RIMS1: variants seen among roughly 807,000 people sequenced by gnomAD.
RIMS1 encodes regulating synaptic membrane exocytosis 1.
Under a neutral mutation model 214.1 loss-of-function variants are expected in RIMS1, and 83 were observed. The ratio of observed to expected loss-of-function variants is 0.39; its 90% CI spans 0.32 to 0.47. The LOEUF is 0.47. Ranked by LOEUF, RIMS1 falls within the 20% of genes least tolerant of loss-of-function variation. The probability of loss-of-function intolerance (pLI) is 0.99; values close to 1 mark genes in which losing one functional copy is unlikely to be tolerated. For synonymous variants in RIMS1, 793 were observed against 786.8 expected (o/e 1.01, Z -0.13); for missense variants, 2,050 against 2,161.8 (o/e 0.95, Z 1.03).
chr6:72,365,031 T>C (rs1162270249), intron 29 of RIMS1, among the ~76,000 whole-genome samples: 1 of 152,216 alleles, frequency 6.6e-6, no homozygotes, highest in Non-Finnish European at 1.5e-5. Context: ...AGGATACCAA[T>C]AGCATCTGCT....
chr6:72,402,499 G>C lies in RIMS1; in HGVS notation c.*1785G>C, dbSNP rs1179745375. Reference sequence around the variant, plus strand: ...CATGTAGACACTGTGTACACACTAGGTTTTAATTCATAGACATACTGCCTG... The same window carrying C: ...CATGTAGACACTGTGTACACACTAGCTTTTAATTCATAGACATACTGCCTG... On this transcript the variant is annotated 3_prime_UTR_variant, in exon 34 of 34. Coordinates refer to ENST00000521978, the MANE Select transcript of RIMS1 (RefSeq NM_014989.7). 1 of 152,518 alleles carries C rather than the reference G, an allele frequency of 6.6e-6. No homozygotes were observed. 9.4% of individuals were successfully genotyped at this position (152,518 alleles called of 1,614,324 possible). A position where few individuals can be genotyped will look rare whatever the true frequency, so the allele number is the denominator to read the frequency against.
chr6:72,125,597 G>A lies in RIMS1; in HGVS notation c.471+25611G>A, dbSNP rs142904619. Among the ~76,000 whole-genome samples the A allele has an allele frequency of 3.9e-3, 592 of 152,350 alleles. 2 individuals are homozygous for A. The highest frequency in any genetic ancestry group is 0.012 in the African/African-American group (499 of 41,584). ...GCTATACCCTGCCCCCAGAGGTGGA[G>A]TCTACAGATGCAGGCAGGCCTCACT... On this transcript the variant is annotated intron_variant, in intron 4 of 33. Transcript: ENST00000521978.
At chr6:71,990,586 T>C (rs1160984246) in intron 2 of RIMS1, among the ~76,000 whole-genome samples, 3 of 151,860 alleles carry the variant, frequency 2.0e-5, no homozygotes, top group Non-Finnish European at 4.4e-5. Context: ...CTAAGCCTGC[T>C]CCTCCAGCCT....
Position 72,333,800 on chromosome 6 carries a change from G to A in RIMS1, c.4331G>A (p.Arg1444Gln), listed in dbSNP as rs377214599. ...LSAKVVAIVS[R>Q]RSRSTSQLSQ... ...GCCAAAGTGGTTGCCATAGTGTCTC[G>A]AAGGAGTAGAAGCACATCCCAGCTT... The change falls in exon 29 of 34, where the codon CGA becomes CAA. Residue 1444 changes from arginine (R) to glutamine (Q), a missense_variant. Physicochemically the swap from Arg to Gln is conservative, Grantham distance 43 (BLOSUM62 1). Transcript: ENST00000521978. The A allele has an allele frequency of 1.8e-5, 28 of 1,590,524 alleles. No individual in the cohort carries two copies. The highest frequency in any genetic ancestry group is 4.0e-5 in the African/African-American group (3 of 74,418).
At chr6:71,990,675 G>T (rs1801331600) in intron 2 of RIMS1, among the ~76,000 whole-genome samples, 1 of 152,130 alleles carries the variant, frequency 6.6e-6, no homozygotes, top group South Asian at 2.1e-4. Context: ...GAAAAGTGAG[G>T]AGAAGCAGTC....
chr6:72,327,904 T>C (rs2096534297), intron 28 of RIMS1, among the ~76,000 whole-genome samples: 2 of 151,872 alleles, frequency 1.3e-5, no homozygotes, highest in Admixed American at 1.3e-4. Flanking sequence ...GATTCTTTAA[T>C]TCTCTATGCT....
intron 6 of RIMS1, among the ~76,000 whole-genome samples, chr6:72,192,065 C>T (rs190798912): frequency 6.6e-6 from 1 of 152,324 alleles, no homozygotes; most frequent in Admixed American, 6.5e-5. Flanking sequence ...GGGGTTCTGC[C>T]AGCTGCTAAG....
At position 72,156,342 on chromosome 6, in the gene RIMS1, T is replaced by A. The variant is rs1444128899; in HGVS notation, c.472-23233T>A. Among the ~76,000 whole-genome samples, 11 of 140,926 alleles carry A rather than the reference T, an allele frequency of 7.8e-5. 2 individuals carry two copies. Among genetic ancestry groups the A allele is most frequent in the Non-Finnish European group, 1.8e-4 (11 of 61,936 alleles). 92.5% of individuals were successfully genotyped at this position (140,926 alleles called of 152,430 possible). A position where few individuals can be genotyped will look rare whatever the true frequency, so the allele number is the denominator to read the frequency against. The stretch of plus-strand genomic sequence containing the variant: ...ACCTGGATGAACCTGGAGGATATCA[T>A]GTTAAGTGAAATAAGCTAGAAAAAT... On this transcript the variant is annotated intron_variant, in intron 4 of 33. Transcript: ENST00000521978.
intron 2 of RIMS1, among the ~76,000 whole-genome samples, chr6:72,069,859 T>C (rs1174314855): frequency 6.6e-6 from 1 of 152,214 alleles, no homozygotes; most frequent in African/African-American, 2.4e-5. Flanking sequence ...TGTTTTCTGG[T>C]CCATGCTTAA....
intron 2 of RIMS1, among the ~76,000 whole-genome samples, chr6:72,006,074 C>T (rs1209487733): frequency 6.6e-6 from 1 of 152,252 alleles, no homozygotes; most frequent in East Asian, 1.9e-4. Context: ...TTACCGATGG[C>T]CTTCTTGCTT....
intron 23 of RIMS1, among the ~76,000 whole-genome samples, chr6:72,278,152 A>AATTT (rs1554419030): frequency 7.8e-6 from 1 of 128,252 alleles, no homozygotes; most frequent in Non-Finnish European, 1.7e-5. Flanking sequence ...AATGGTTTTT[A>AATTT]ATCTATCTAT....
chr6:72,387,914 A>G (rs2154433577), intron 29 of RIMS1, among the ~76,000 whole-genome samples: 1 of 152,336 alleles, frequency 6.6e-6, no homozygotes, highest in Middle Eastern at 3.4e-3. Context: ...CCACATAGTC[A>G]TAAAGTGGAA....
chr6:72,163,110 T>C (rs1413024137), intron 4 of RIMS1, among the ~76,000 whole-genome samples: 1 of 139,438 alleles, frequency 7.2e-6, no homozygotes, highest in Admixed American at 7.4e-5. Context: ...TTTTCTCTAA[T>C]CTTCTCTTCT....
At chr6:71,994,497 C>T (rs1159342562) in intron 2 of RIMS1, among the ~76,000 whole-genome samples, 1 of 152,104 alleles carries the variant, frequency 6.6e-6, no homozygotes, top group African/African-American at 2.4e-5. Context: ...ATTTTAAGAG[C>T]ACTCTTTAGA....
chr6:72,047,612 G>A (rs901319959), intron 2 of RIMS1, among the ~76,000 whole-genome samples: 1 of 152,020 alleles, frequency 6.6e-6, no homozygotes, highest in African/African-American at 2.4e-5. Context: ...GTGCGGGCTA[G>A]TTTGCAGCTA....
At chr6:72,265,149 A>G in intron 20 of RIMS1, 97 bp downstream of exon 20, 2 of 702,654 alleles carry the variant, frequency 2.8e-6, no homozygotes, top group South Asian at 2.1e-5. Context: ...AAAATATTAA[A>G]TAGGAAATTT....
intron 1 of RIMS1, among the ~76,000 whole-genome samples, chr6:71,905,071 T>C (rs1455155856): frequency 6.6e-6 from 1 of 152,164 alleles, no homozygotes; most frequent in Admixed American, 6.6e-5. Flanking sequence ...CTATGGCATA[T>C]GGTCTTTGGA....
intron 2 of RIMS1, among the ~76,000 whole-genome samples, chr6:72,057,820 C>T (rs1202193870): frequency 6.6e-6 from 1 of 152,188 alleles, no homozygotes; most frequent in East Asian, 1.9e-4. Flanking sequence ...AACCAGTACA[C>T]TTTTGACAAA....
intron 1 of RIMS1, among the ~76,000 whole-genome samples, chr6:71,957,000 T>C (rs1285727627): frequency 2.0e-5 from 3 of 152,218 alleles, no homozygotes; most frequent in Non-Finnish European, 4.4e-5. Context: ...CATTCATAGA[T>C]AATTTGCCCT....
Sources: allele counts gnomAD v4.1 joint callset (sites outside exome capture counted in the v4.1 genomes callset), GRCh38; gene constraint gnomAD v4.1.1; transcripts MANE v1.5; gene names NCBI Gene and HGNC (gene_info 2026-07-23, HGNC 2026-07-21).